The following CLSTN2 variants were observed in gnomAD, a reference collection of about 807,000 sequenced individuals.
CLSTN2 encodes the protein calsyntenin-2.
CLSTN2 carries 48 observed loss-of-function variants against 101.2 expected under a neutral mutation model. That is an observed-to-expected ratio of 0.47 (90% CI 0.38 to 0.60). The LOEUF is 0.60. CLSTN2 is among the 20% of genes least tolerant of loss of function. CLSTN2 has a pLI of 0.00. For synonymous variants in CLSTN2, 481 were observed against 463.6 expected (o/e 1.04, Z -0.48); for missense variants, 1,160 against 1,238.2 (o/e 0.94, Z 0.95).
At chr3:140,509,698 G>C (rs1934770483) in intron 8 of CLSTN2, among the ~76,000 whole-genome samples, 1 of 152,166 alleles carries the variant, frequency 6.6e-6, no homozygotes, top group African/African-American at 2.4e-5. Context: ...CCAGGCTCCT[G>C]CAGGAGACAG....
Position 140,481,886 on chromosome 3 carries a change from G to A in CLSTN2, c.1344+15155G>A, listed in dbSNP as rs537194774. Reference sequence around the variant, plus strand: ...GGTTTTCTAAATAAACAATCATGTCGTCTGCAAACAGGGACAATTTGACTT... The same window carrying A: ...GGTTTTCTAAATAAACAATCATGTCATCTGCAAACAGGGACAATTTGACTT... On this transcript the variant is annotated intron_variant, in intron 8 of 16. Transcript: ENST00000458420. Among the ~76,000 whole-genome samples, 328 of 152,234 alleles carry A rather than the reference G, an allele frequency of 2.2e-3. 2 individuals carry two copies. The highest frequency in any genetic ancestry group is 6.4e-3 in the African/African-American group (265 of 41,528).
chr3:140,209,601 GC>G (rs1189809756), intron 2 of CLSTN2, among the ~76,000 whole-genome samples: 2 of 152,014 alleles, frequency 1.3e-5, no homozygotes, highest in Non-Finnish European at 2.9e-5. Flanking sequence ...CTAGTCAGGA[GC>G]TTTTTAAGGC....
At chr3:140,043,159 G>A (rs896717006) in intron 1 of CLSTN2, among the ~76,000 whole-genome samples, 3 of 151,954 alleles carry the variant, frequency 2.0e-5, no homozygotes, top group South Asian at 2.1e-4. Context: ...AAGTGTTCCT[G>A]TTTCTCCACA....
intron 2 of CLSTN2, among the ~76,000 whole-genome samples, chr3:140,194,823 G>A (rs1366431074): frequency 6.6e-6 from 1 of 152,178 alleles, no homozygotes. Flanking sequence ...ATACTGCAGT[G>A]GAAGTGGCTT....
intron 1 of CLSTN2, among the ~76,000 whole-genome samples, chr3:140,032,725 G>A (rs542120532): frequency 6.6e-6 from 1 of 152,226 alleles, no homozygotes; most frequent in Non-Finnish European, 1.5e-5. Context: ...TCAGGCATGG[G>A]GTAGGATCTA....
chr3:140,079,889 A>C (rs1054683616), intron 1 of CLSTN2, among the ~76,000 whole-genome samples: 1 of 152,204 alleles, frequency 6.6e-6, no homozygotes, highest in African/African-American at 2.4e-5. Context: ...TTGATGAATA[A>C]TGGTTTTTAT....
intron 2 of CLSTN2, among the ~76,000 whole-genome samples, chr3:140,252,251 C>A (rs992890245): frequency 6.6e-6 from 1 of 152,124 alleles, no homozygotes. Flanking sequence ...CCAGAAGGGT[C>A]AGGGTAGGGA....
intron 1 of CLSTN2, among the ~76,000 whole-genome samples, chr3:140,036,608 G>C (rs2007659772): frequency 6.6e-6 from 1 of 152,068 alleles, no homozygotes; most frequent in Admixed American, 6.6e-5. Flanking sequence ...TTAAGATTCT[G>C]CTTTCCTTCA....
At chr3:140,052,567 G>T (rs999093093) in intron 1 of CLSTN2, among the ~76,000 whole-genome samples, 2 of 152,198 alleles carry the variant, frequency 1.3e-5, no homozygotes, top group Non-Finnish European at 2.9e-5. Flanking sequence ...AACCCTGGGG[G>T]AAGGCAGGAA....
chr3:140,036,408 G>A (rs968849596), intron 1 of CLSTN2, among the ~76,000 whole-genome samples: 2 of 152,010 alleles, frequency 1.3e-5, no homozygotes, highest in East Asian at 1.9e-4. Flanking sequence ...TAACCCCCTC[G>A]GCCTTGTGAA....
chr3:140,057,771 T>C (rs562161448), intron 1 of CLSTN2, among the ~76,000 whole-genome samples: 39 of 152,348 alleles, frequency 2.6e-4, no homozygotes, highest in African/African-American at 8.7e-4. Context: ...GGCTATAAGC[T>C]AATTATCAGA....
intron 1 of CLSTN2, among the ~76,000 whole-genome samples, chr3:140,132,364 T>A (rs1054718011): frequency 3.3e-5 from 5 of 152,198 alleles, no homozygotes; most frequent in South Asian, 2.1e-4. Flanking sequence ...TTAGAATGCA[T>A]ACATCTTCCA....
intron 2 of CLSTN2, among the ~76,000 whole-genome samples, chr3:140,194,559 G>A (rs2010618324): frequency 6.6e-6 from 1 of 152,148 alleles, no homozygotes; most frequent in Non-Finnish European, 1.5e-5. Context: ...TGGTTTTGAG[G>A]TAATGAGTAA....
At chr3:139,940,762 G>A (rs1935112905) in intron 1 of CLSTN2, among the ~76,000 whole-genome samples, 1 of 152,102 alleles carries the variant, frequency 6.6e-6, no homozygotes, top group South Asian at 2.1e-4. Flanking sequence ...CTAGTCTATG[G>A]ATGTCTTTGA....
At chr3:139,944,635 C>T (rs1935187483) in intron 1 of CLSTN2, among the ~76,000 whole-genome samples, 1 of 152,228 alleles carries the variant, frequency 6.6e-6, no homozygotes, top group Admixed American at 6.5e-5. Context: ...ATGACTGTTG[C>T]CCAGCACTGT....
intron 1 of CLSTN2, among the ~76,000 whole-genome samples, chr3:140,134,088 T>TA (rs1214890204): frequency 6.6e-6 from 1 of 152,176 alleles, no homozygotes; most frequent in Non-Finnish European, 1.5e-5. Context: ...TGTTTGTACT[T>TA]AGAGTCCAGT....
chr3:140,213,429 C>T (rs749927340), intron 2 of CLSTN2, among the ~76,000 whole-genome samples: 25 of 152,230 alleles, frequency 1.6e-4, no homozygotes, highest in Non-Finnish European at 2.8e-4. Context: ...CATAATCCTT[C>T]CACCTGCCTA....
At chr3:140,541,804 G>A (rs1418026244) in intron 9 of CLSTN2, among the ~76,000 whole-genome samples, 1 of 152,126 alleles carries the variant, frequency 6.6e-6, no homozygotes, top group African/African-American at 2.4e-5. Context: ...GAGGAGGCCA[G>A]ATTCTCTTAT....
intron 2 of CLSTN2, among the ~76,000 whole-genome samples, chr3:140,384,189 A>T (rs1023052968): frequency 6.6e-6 from 1 of 152,202 alleles, no homozygotes; most frequent in Non-Finnish European, 1.5e-5. Flanking sequence ...ACTGGAGTGC[A>T]TGTCCCCGAA....
Sources: allele counts gnomAD v4.1 joint callset (sites outside exome capture counted in the v4.1 genomes callset), GRCh38; gene constraint gnomAD v4.1.1; transcripts MANE v1.5; gene names NCBI Gene and HGNC (gene_info 2026-07-23, HGNC 2026-07-21).